The following VWA8 variants were observed in gnomAD, a reference collection of about 807,000 sequenced individuals.
VWA8 encodes von Willebrand factor A domain-containing protein 8.
Under a neutral mutation model 241.5 loss-of-function variants are expected in VWA8, and 221 were observed. The observed-to-expected ratio is 0.91, with a 90% CI of 0.82 to 1.02. VWA8 has a LOEUF of 1.02. Ranked by LOEUF, VWA8 falls within the 50% of genes least tolerant of loss-of-function variation. The pLI is 0.00. For missense variants in VWA8, 2,322 were observed against 2,328.7 expected, an observed-to-expected ratio of 1.00 and a Z score of 0.06; for synonymous variants, 852 against 827.1, an observed-to-expected ratio of 1.03 and a Z score of -0.52.
At chr13:41,615,137 C>A (rs1412406281) in intron 37 of VWA8, 53 bp from the exon 38 acceptor site, 2 of 1,580,022 alleles carry the variant, frequency 1.3e-6, no homozygotes, top group Non-Finnish European at 1.7e-6. Flanking sequence ...ACACCAGGGA[C>A]TGCATGACAG....
chr13:41,811,201 C>G (rs750052909), intron 17 of VWA8, 24 bp downstream of exon 17: 1 of 1,569,130 alleles, frequency 6.4e-7, no homozygotes. Flanking sequence ...GAAACTTACA[C>G]GCAGTGAGAA....
chr13:41,619,495 T>C (rs1454787968), intron 37 of VWA8, among the ~76,000 whole-genome samples: 2 of 152,196 alleles, frequency 1.3e-5, no homozygotes, highest in Non-Finnish European at 2.9e-5. Context: ...GGCCAGAACT[T>C]CCAACACTAT....
intron 8 of VWA8, among the ~76,000 whole-genome samples, chr13:41,885,181 T>C (rs1874462175): frequency 2.0e-5 from 3 of 152,358 alleles, no homozygotes; most frequent in African/African-American, 7.2e-5. Flanking sequence ...CATTTCACAA[T>C]AGCGGTCTGA....
At chr13:41,704,667 C>G (rs12872656) in intron 26 of VWA8, among the ~76,000 whole-genome samples, 10 of 151,962 alleles carry the variant, frequency 6.6e-5, no homozygotes, top group Admixed American at 6.6e-4. Context: ...CAGGGTCTTG[C>G]TGTGTTGCCC....
intron 37 of VWA8, among the ~76,000 whole-genome samples, chr13:41,628,479 T>G (rs147207173): frequency 1.3e-5 from 2 of 152,332 alleles, no homozygotes; most frequent in East Asian, 1.9e-4. Flanking sequence ...AAAATGTGCA[T>G]GTATGCTTAT....
At chr13:41,747,859 G>T (rs1315936543) in intron 21 of VWA8, among the ~76,000 whole-genome samples, 1 of 152,186 alleles carries the variant, frequency 6.6e-6, no homozygotes, top group East Asian at 1.9e-4. Context: ...AGATAATCAT[G>T]TGATTTTTGT....
chr13:41,685,102 C>T lies in VWA8; in HGVS notation c.4272G>A (p.Gln1424=). The T allele has an allele frequency of 1.2e-6, 2 of 1,613,544 alleles. No homozygotes were observed. The highest frequency in any genetic ancestry group is 1.7e-6 in the Non-Finnish European group (2 of 1,179,724). ...CTCCTGGGGGTAAAATCCTCACTAC[C>T]TGATTCGTATCTAAAAGAGTCACAC... ...SNCVTLLDTN[Q]VVRILPPGEV... is the part of the protein sequence containing the mutation. Residue 1424 remains glutamine (Q), a synonymous_variant, in exon 35 of 45, where the codon CAG becomes CAA. Coordinates refer to ENST00000379310, the MANE Select transcript of VWA8 (RefSeq NM_015058.2).
chr13:41,690,581 T>C (rs2045169834), intron 32 of VWA8, among the ~76,000 whole-genome samples: 1 of 152,122 alleles, frequency 6.6e-6, no homozygotes, highest in South Asian at 2.1e-4. Context: ...CCTCTCTTGA[T>C]AAAACTCTTT....
chr13:41,585,019 G>T (rs2044407437), intron 42 of VWA8, among the ~76,000 whole-genome samples: 2 of 151,628 alleles, frequency 1.3e-5, no homozygotes, highest in Non-Finnish European at 2.9e-5. Context: ...TTGTAATTTC[G>T]CGGAATTTAA....
At chr13:41,869,733 C>T (rs767171499) in intron 9 of VWA8, among the ~76,000 whole-genome samples, 1 of 150,480 alleles carries the variant, frequency 6.6e-6, no homozygotes, top group African/African-American at 2.4e-5. Context: ...TTCATTCCAG[C>T]TAGCTATATC....
chr13:41,750,825 A>G (rs2137892353), intron 21 of VWA8, among the ~76,000 whole-genome samples: 1 of 152,232 alleles, frequency 6.6e-6, no homozygotes, highest in South Asian at 2.1e-4. Context: ...CTAGGTGAAA[A>G]TCTTATGAAC....
intron 21 of VWA8, among the ~76,000 whole-genome samples, chr13:41,757,106 G>A (rs1359246000): frequency 1.3e-5 from 2 of 151,530 alleles, no homozygotes; most frequent in East Asian, 3.9e-4. Context: ...CTTTATCCAT[G>A]TGAGAGGAAA....
intron 2 of VWA8, among the ~76,000 whole-genome samples, chr13:41,931,334 T>C (rs1317686245): frequency 7.6e-6 from 1 of 130,934 alleles, no homozygotes; most frequent in Non-Finnish European, 1.6e-5. Flanking sequence ...ATATGTGGAA[T>C]CTGGTTGGGG....
rs1171299484 is a variant in VWA8, at chr13:41,833,120, C to A, written c.1586+251G>T. 3.3e-5 allele frequency among the ~76,000 whole-genome samples: 5 copies of A among 152,106 alleles called. No individual in the cohort carries two copies. The East Asian group carries it at 9.6e-4, about 29-fold the overall frequency. ...TTCAAACTTACTACTGAAGCACTTT[C>A]TTTTTGCAGTGCCTACACACGGAAT... is the stretch of plus-strand genomic sequence containing the variant. On this transcript the variant is annotated intron_variant, in intron 13 of 44. Transcript: ENST00000379310.
intron 12 of VWA8, among the ~76,000 whole-genome samples, chr13:41,839,277 TG>T (rs1208512871): frequency 6.6e-6 from 1 of 152,246 alleles, no homozygotes; most frequent in East Asian, 1.9e-4. Context: ...ATATGTCTGT[TG>T]GCTGCATAAA....
chr13:41,881,100 T>C (rs1874148809), intron 9 of VWA8, among the ~76,000 whole-genome samples: 1 of 152,276 alleles, frequency 6.6e-6, no homozygotes, highest in African/African-American at 2.4e-5. Flanking sequence ...TGGATTCCTA[T>C]TTTATGTAAC....
chr13:41,715,198 T>C (rs1429789745), intron 26 of VWA8, among the ~76,000 whole-genome samples: 1 of 151,974 alleles, frequency 6.6e-6, no homozygotes, highest in African/African-American at 2.4e-5. Flanking sequence ...GGTACGTAGT[T>C]ATCTATAAAT....
chr13:41,619,066 G>T (rs1320491691), intron 37 of VWA8, among the ~76,000 whole-genome samples: 1 of 152,186 alleles, frequency 6.6e-6, no homozygotes, highest in Admixed American at 6.5e-5. Flanking sequence ...GCCTTGGGCA[G>T]TATGGCCATT....
chr13:41,863,506 C>T (rs1266844996), intron 12 of VWA8, among the ~76,000 whole-genome samples: 2 of 146,492 alleles, frequency 1.4e-5, no homozygotes, highest in Non-Finnish European at 3.0e-5. Flanking sequence ...TATATTAGTT[C>T]AGTCCCTCTA....
Sources: allele counts gnomAD v4.1 joint callset (sites outside exome capture counted in the v4.1 genomes callset), GRCh38; gene constraint gnomAD v4.1.1; transcripts MANE v1.5; gene names NCBI Gene and HGNC (gene_info 2026-07-23, HGNC 2026-07-21).